The following ESYT2 variants were observed in gnomAD, a reference collection of about 807,000 sequenced individuals.
ESYT2 encodes extended synaptotagmin-2.
ESYT2 carries 54 observed loss-of-function variants against 107.2 expected under a neutral mutation model. That is an observed-to-expected ratio of 0.50 (90% CI 0.40 to 0.63). ESYT2 has a LOEUF of 0.63. ESYT2 is among the 30% of genes least tolerant of loss of function. The probability of loss-of-function intolerance (pLI) is 0.00; values close to 1 mark genes in which losing one functional copy is unlikely to be tolerated. For missense variants in ESYT2, 1,020 were observed against 1,094.5 expected (o/e 0.93, Z 0.96); for synonymous variants, 491 against 434.1 (o/e 1.13, Z -1.63).
intron 6 of ESYT2, among the ~76,000 whole-genome samples, chr7:158,777,292 T>C (rs1490743003): frequency 6.6e-6 from 1 of 152,112 alleles, no homozygotes; most frequent in Non-Finnish European, 1.5e-5. Flanking sequence ...GAGGGAGACA[T>C]AGGAGAACAG....
chr7:158,742,730 A>C (rs1837258734), intron 17 of ESYT2, among the ~76,000 whole-genome samples: 2 of 152,166 alleles, frequency 1.3e-5, no homozygotes, highest in South Asian at 4.1e-4. Flanking sequence ...TGACAGCTTA[A>C]AGGTTTTTTC....
intron 1 of ESYT2, among the ~76,000 whole-genome samples, chr7:158,800,894 A>G (rs1278260609): frequency 6.6e-6 from 1 of 151,556 alleles, no homozygotes; most frequent in Admixed American, 6.6e-5. Context: ...ACACCCTGCT[A>G]ATTTTTGTAT....
At chr7:158,738,610 A>G in intron 19 of ESYT2, among the ~76,000 whole-genome samples, 1 of 140,536 alleles carries the variant, frequency 7.1e-6, no homozygotes, top group South Asian at 2.3e-4. Context: ...ATGCACCACC[A>G]CACGTGGCTA....
intron 6 of ESYT2, among the ~76,000 whole-genome samples, chr7:158,781,921 T>C (rs1214190687): frequency 1.4e-5 from 2 of 140,756 alleles, no homozygotes; most frequent in African/African-American, 5.4e-5. Context: ...CAGAACAAAG[T>C]GTGAAAGGTA....
intron 4 of ESYT2, among the ~76,000 whole-genome samples, chr7:158,792,321 C>T (rs1487989771): frequency 6.6e-6 from 1 of 150,450 alleles, no homozygotes; most frequent in Non-Finnish European, 1.5e-5. Context: ...CCCAGGAGTT[C>T]GAGACTAGCC....
At chr7:158,787,163 G>C (rs1326329191) in intron 6 of ESYT2, among the ~76,000 whole-genome samples, 1 of 152,164 alleles carries the variant, frequency 6.6e-6, no homozygotes, top group Non-Finnish European at 1.5e-5. Context: ...TGTCTGGTGG[G>C]AGTAACAGTT....
chr7:158,781,888 C>A (rs375535524), intron 6 of ESYT2, among the ~76,000 whole-genome samples: 1 of 114,596 alleles, frequency 8.7e-6, no homozygotes, highest in East Asian at 2.4e-4. Flanking sequence ...CAAGTAAGAA[C>A]GAGAACAAGT....
At chr7:158,804,125 C>G (rs113629576) in intron 1 of ESYT2, among the ~76,000 whole-genome samples, 1 of 27,462 alleles carries the variant, frequency 3.6e-5, no homozygotes, top group Non-Finnish European at 5.8e-5. Context: ...CCCAAACCGT[C>G]GAGAAGGGTG....
intron 1 of ESYT2, 143 bp downstream of exon 1, chr7:158,828,946 G>C (rs4599756): frequency 1.5e-6 from 2 of 1,357,500 alleles, no homozygotes; most frequent in Admixed American, 3.2e-5. Context: ...GGGTGGGTGG[G>C]GGACTACGAA....
intron 7 of ESYT2, among the ~76,000 whole-genome samples, chr7:158,772,339 C>T (rs905412400): frequency 2.0e-5 from 3 of 152,018 alleles, no homozygotes; most frequent in Non-Finnish European, 4.4e-5. Flanking sequence ...TAATTAAAGT[C>T]CTAATTTTTC....
intron 1 of ESYT2, among the ~76,000 whole-genome samples, chr7:158,799,781 T>C (rs1255895486): frequency 2.0e-5 from 3 of 152,104 alleles, no homozygotes; most frequent in Admixed American, 6.5e-5. Flanking sequence ...GGATCCCTCT[T>C]ACAATTCTCC....
At position 158,737,646 on chromosome 7, in the gene ESYT2, G is replaced by C. The variant is rs143920097; in HGVS notation, c.2268-467C>G. Among the ~76,000 whole-genome samples, 93 of 152,122 alleles carry C rather than the reference G, an allele frequency of 6.1e-4. 1 individual carries two copies. Among genetic ancestry groups the C allele is most frequent in the Non-Finnish European group, 1.2e-3 (80 of 68,014 alleles). ...GCTGACTGACCACAAAGTCTAGGAG[G>C]GATTGTTTTGCTAGACTCCTCTACA... On this transcript the variant is annotated intron_variant, in intron 19 of 22. Coordinates refer to ENST00000275418, the MANE Select transcript of ESYT2 (RefSeq NM_001367773.1).
At chr7:158,781,725 ATG>A (rs1193996429) in intron 6 of ESYT2, among the ~76,000 whole-genome samples, 5 of 148,806 alleles carry the variant, frequency 3.4e-5, no homozygotes, top group South Asian at 4.3e-4. Flanking sequence ...ACGAGAACAA[ATG>A]TGAGTGAACG....
At chr7:158,775,179 T>C (rs1003265538) in intron 6 of ESYT2, among the ~76,000 whole-genome samples, 1 of 152,212 alleles carries the variant, frequency 6.6e-6, no homozygotes, top group Non-Finnish European at 1.5e-5. Flanking sequence ...CATACCTTTA[T>C]TTTAAAACAT....
chr7:158,804,143 C>T (rs111721081), intron 1 of ESYT2, among the ~76,000 whole-genome samples: 6 of 35,554 alleles, frequency 1.7e-4, no homozygotes, highest in Middle Eastern at 0.019. Context: ...GTGAGGCGCG[C>T]GACAAACCCA....
chr7:158,756,527 C>T (rs149867939), intron 13 of ESYT2, among the ~76,000 whole-genome samples: 11 of 152,282 alleles, frequency 7.2e-5, no homozygotes, highest in South Asian at 2.1e-4. Flanking sequence ...TCTATCTTCA[C>T]GTGACCATCC....
At chr7:158,736,132 C>A (rs186880371) in intron 20 of ESYT2, among the ~76,000 whole-genome samples, 2 of 152,098 alleles carry the variant, frequency 1.3e-5, no homozygotes, top group Admixed American at 6.5e-5. Context: ...CTCCTCCGGG[C>A]TGCGGGTGCC....
intron 14 of ESYT2, among the ~76,000 whole-genome samples, chr7:158,751,651 C>T (rs1008615848): frequency 2.6e-5 from 4 of 152,076 alleles, no homozygotes; most frequent in African/African-American, 4.8e-5. Flanking sequence ...CACTTTCATA[C>T]GTATTCTTTT....
intron 20 of ESYT2, among the ~76,000 whole-genome samples, chr7:158,736,215 C>T (rs938612752): frequency 9.0e-5 from 13 of 144,334 alleles, no homozygotes; most frequent in South Asian, 4.4e-4. Flanking sequence ...GTAGGAGCAC[C>T]CTGCACAACC....
Sources: gnomAD v4.1 joint callset for allele counts (sites outside exome capture counted in the v4.1 genomes callset) on GRCh38, gnomAD v4.1.1 for gene constraint, MANE v1.5 for transcripts, NCBI Gene and HGNC (gene_info 2026-07-23, HGNC 2026-07-21) for gene names.